Variants in HIVEP3 observed in about 807,000 individuals in gnomAD.
The protein encoded by HIVEP3 is transcription factor HIVEP3.
In HIVEP3, 49 loss-of-function variants were observed where a neutral mutation model predicts 152.8. The observed-to-expected ratio is 0.32, with a 90% CI of 0.26 to 0.41. The LOEUF is 0.41. Ranked by LOEUF, HIVEP3 falls within the 10% of genes least tolerant of loss-of-function variation. The probability of loss-of-function intolerance (pLI) is 1.00; values close to 1 mark genes in which losing one functional copy is unlikely to be tolerated. For missense variants in HIVEP3, 2,790 were observed against 3,103.3 expected (o/e 0.90, Z 2.40); for synonymous variants, 1,269 against 1,289.0 (o/e 0.98, Z 0.33).
chr1:41,986,719 C>T (rs973813161), intron 1 of HIVEP3, among the ~76,000 whole-genome samples: 2 of 152,198 alleles, frequency 1.3e-5, no homozygotes, highest in African/African-American at 4.8e-5. Context: ...GGATTACAGG[C>T]GTGAGCCACC....
At chr1:41,713,003 G>A (rs1173880704) in intron 1 of HIVEP3, among the ~76,000 whole-genome samples, 3 of 152,078 alleles carry the variant, frequency 2.0e-5, no homozygotes, top group Non-Finnish European at 4.4e-5. Flanking sequence ...AGACACACGT[G>A]GTCCTTCCAC....
intron 1 of HIVEP3, among the ~76,000 whole-genome samples, chr1:41,839,499 G>A (rs78056795): frequency 0.014 from 2,122 of 152,320 alleles, 50 homozygotes; most frequent in African/African-American, 0.048. Flanking sequence ...CTTTGACCCA[G>A]GAGATGAAGG....
intron 5 of HIVEP3, among the ~76,000 whole-genome samples, chr1:41,526,466 C>T (rs1392239598): frequency 6.3e-5 from 8 of 127,554 alleles, no homozygotes; most frequent in East Asian, 2.7e-4. Context: ...GCTCACACCC[C>T]CACACTCACC....
intron 1 of HIVEP3, among the ~76,000 whole-genome samples, chr1:42,002,696 G>A (rs1386200473): frequency 1.3e-5 from 2 of 152,164 alleles, no homozygotes; most frequent in African/African-American, 4.8e-5. Flanking sequence ...GCCTCCAAGG[G>A]CCAGTCAGAT....
rs1470311487 is a variant in HIVEP3 at position 41,540,791 on chromosome 1, A to C, written c.5208-15881T>G. On this transcript the variant is annotated intron_variant, in intron 5 of 8. Transcript: ENST00000372583. ...ACCCCAGGGCTACAAACTTGGAAAA[A>C]AGCAAGCCTGAATGGTAGTGAGCTC... is the stretch of plus-strand genomic sequence containing the variant. 1.1e-4 allele frequency among the ~76,000 whole-genome samples: 17 copies of C among 152,328 alleles called. No homozygotes were observed. The East Asian group carries it at 3.1e-3, about 28-fold the overall frequency.
chr1:41,943,159 G>T (rs1645056617), intron 1 of HIVEP3, among the ~76,000 whole-genome samples: 3 of 152,078 alleles, frequency 2.0e-5, no homozygotes, highest in Admixed American at 2.0e-4. Flanking sequence ...ACCTGCCTCG[G>T]CCTCCCAAAG....
chr1:41,899,904 A>C (rs1210484279), intron 1 of HIVEP3, among the ~76,000 whole-genome samples: 1 of 152,158 alleles, frequency 6.6e-6, no homozygotes, highest in Non-Finnish European at 1.5e-5. Flanking sequence ...CCAAATCTAC[A>C]TTATTGTCCC....
intron 1 of HIVEP3, among the ~76,000 whole-genome samples, chr1:41,916,495 G>T (rs753360941): frequency 2.6e-4 from 39 of 152,262 alleles, no homozygotes; most frequent in Non-Finnish European, 4.6e-4. Flanking sequence ...TAACTAGATG[G>T]AGTGGAGAGG....
At chr1:41,812,938 A>G (rs1651053882) in intron 1 of HIVEP3, among the ~76,000 whole-genome samples, 1 of 152,174 alleles carries the variant, frequency 6.6e-6, no homozygotes, top group African/African-American at 2.4e-5. Flanking sequence ...TGGACCTGGT[A>G]AAGTGCCTAT....
intron 5 of HIVEP3, among the ~76,000 whole-genome samples, chr1:41,526,698 C>T (rs1263162394): frequency 2.3e-5 from 2 of 86,568 alleles, no homozygotes; most frequent in African/African-American, 4.6e-5. Flanking sequence ...CTCACCCTCA[C>T]GCACACTCAC....
intron 1 of HIVEP3, among the ~76,000 whole-genome samples, chr1:41,984,446 T>C (rs933138910): frequency 3.9e-5 from 6 of 152,132 alleles, no homozygotes; most frequent in Non-Finnish European, 5.9e-5. Flanking sequence ...GTTGACATGA[T>C]AGCCCTAAGG....
intron 7 of HIVEP3, among the ~76,000 whole-genome samples, chr1:41,516,224 T>G (rs1642601700): frequency 2.9e-5 from 1 of 35,020 alleles, no homozygotes; most frequent in Non-Finnish European, 8.8e-5. Flanking sequence ...GCTCCACAAA[T>G]GAGAGAGCTT....
intron 2 of HIVEP3, among the ~76,000 whole-genome samples, chr1:41,693,634 G>T (rs935655498): frequency 6.6e-6 from 1 of 152,186 alleles, no homozygotes; most frequent in African/African-American, 2.4e-5. Flanking sequence ...TTGTTGTGGG[G>T]TGGGGTGTTT....
intron 1 of HIVEP3, among the ~76,000 whole-genome samples, chr1:41,743,557 G>T (rs962707886): frequency 1.3e-5 from 2 of 152,192 alleles, no homozygotes; most frequent in East Asian, 1.9e-4. Flanking sequence ...TAAGGAGATG[G>T]TGGGGGAACA....
At chr1:41,920,776 T>C (rs1644936957), upstream of HIVEP3, among the ~76,000 whole-genome samples, 1 of 152,190 alleles carries the variant, frequency 6.6e-6, no homozygotes, top group Admixed American at 6.5e-5. Context: ...GGCTTTGCAA[T>C]GTATCATGAT....
At chr1:41,733,401 C>A (rs1646871129) in intron 1 of HIVEP3, among the ~76,000 whole-genome samples, 1 of 152,236 alleles carries the variant, frequency 6.6e-6, no homozygotes, top group Non-Finnish European at 1.5e-5. Context: ...CAAGGCCTTA[C>A]CTTGAACCCT....
Position 41,789,900 on chromosome 1 carries a change from A to G in HIVEP3, c.-800-88905T>C, listed in dbSNP as rs570572073. Among the ~76,000 whole-genome samples the G allele has an allele frequency of 5.3e-5, 8 of 152,344 alleles. No homozygotes were observed. In the East Asian group the frequency reaches 1.5e-3, roughly 29 times the overall value. On this transcript the variant is annotated intron_variant, in intron 1 of 8. Coordinates refer to ENST00000372583, the MANE Select transcript of HIVEP3 (RefSeq NM_024503.5). ...CAAGGTCACATTTAAATAAGTACAC[A>G]CAAAAGCAGCTTATGCATAGACAGC...
chr1:41,541,040 G>A (rs1202683142), intron 5 of HIVEP3, among the ~76,000 whole-genome samples: 1 of 152,146 alleles, frequency 6.6e-6, no homozygotes, highest in Non-Finnish European at 1.5e-5. Flanking sequence ...AGAGGACTGA[G>A]GTGGCCTGTC....
At chr1:41,912,322 G>A (rs967296549) in intron 1 of HIVEP3, among the ~76,000 whole-genome samples, 1 of 152,190 alleles carries the variant, frequency 6.6e-6, no homozygotes, top group Admixed American at 6.5e-5. Context: ...TACACAGTTT[G>A]TAAGCATTCG....
Sources: allele counts gnomAD v4.1 joint callset (sites outside exome capture counted in the v4.1 genomes callset), GRCh38; gene constraint gnomAD v4.1.1; transcripts MANE v1.5; gene names NCBI Gene and HGNC (gene_info 2026-07-23, HGNC 2026-07-21).